Variants in TBL1X observed in about 807,000 individuals in gnomAD.
TBL1X encodes transducin beta like 1 X-linked.
A neutral mutation model predicts 50.7 loss-of-function variants in TBL1X; 10 were observed. The observed-to-expected ratio is 0.20, with a 90% CI of 0.12 to 0.33. TBL1X has a LOEUF of 0.33. TBL1X is among the 10% of genes least tolerant of loss of function. TBL1X has a pLI of 1.00. For synonymous variants in TBL1X, 190 were observed against 214.7 expected (o/e 0.88, Z 1.01); for missense variants, 340 against 504.4 (o/e 0.67, Z 3.12).
chrX:9,706,963 C>T (rs750794713), intron 13 of TBL1X, among the ~76,000 whole-genome samples: 1 of 111,963 alleles, frequency 8.9e-6, no homozygotes, highest in South Asian at 3.8e-4. Flanking sequence ...ACCCCCTGAG[C>T]TCCTACTGCC....
chrX:9,619,782 C>A (rs898403301), intron 2 of TBL1X, among the ~76,000 whole-genome samples: 2 of 111,502 alleles, frequency 1.8e-5, no homozygotes, highest in Non-Finnish European at 3.8e-5. Context: ...GTGCCGCCCT[C>A]TAGCTGCGAG....
intron 1 of TBL1X, among the ~76,000 whole-genome samples, chrX:9,482,643 T>C (rs2081889502): frequency 9.0e-6 from 1 of 111,337 alleles, no homozygotes; most frequent in South Asian, 3.8e-4. Flanking sequence ...CCTATTCCCC[T>C]GGGACCAACC....
intron 2 of TBL1X, among the ~76,000 whole-genome samples, chrX:9,544,599 G>T (rs1369926908): frequency 9.0e-6 from 1 of 110,593 alleles, no homozygotes; most frequent in African/African-American, 3.3e-5. Context: ...TTTCACTCTT[G>T]TTGCCCAGGC....
chrX:9,648,956 G>C (rs1461881956), intron 3 of TBL1X, among the ~76,000 whole-genome samples: 2 of 111,919 alleles, frequency 1.8e-5, no homozygotes, highest in East Asian at 5.6e-4. Context: ...TTCTTGCAGA[G>C]GAATACTGGC....
At chrX:9,496,163 TGAG>T (rs1184572678) in intron 1 of TBL1X, among the ~76,000 whole-genome samples, 4 of 111,659 alleles carry the variant, frequency 3.6e-5, no homozygotes, top group Admixed American at 1.9e-4. Flanking sequence ...AAGCGTGCGG[TGAG>T]GAGGAGTCAG....
At chrX:9,505,145 G>A (rs752568236) in intron 2 of TBL1X, among the ~76,000 whole-genome samples, 9 of 111,793 alleles carry the variant, frequency 8.1e-5, no homozygotes, top group Non-Finnish European at 1.7e-4. Flanking sequence ...AAGAGATTGG[G>A]GGCCAATATT....
intron 12 of TBL1X, among the ~76,000 whole-genome samples, chrX:9,704,330 T>G (rs900886341): frequency 1.8e-5 from 2 of 111,959 alleles, no homozygotes; most frequent in Non-Finnish European, 3.8e-5. Context: ...CTCCTCTTTG[T>G]CCAAAATTAA....
intron 2 of TBL1X, among the ~76,000 whole-genome samples, chrX:9,591,503 T>C (rs1400669629): frequency 8.9e-6 from 1 of 112,637 alleles, no homozygotes; most frequent in Non-Finnish European, 1.9e-5. Context: ...CTGGAGTATA[T>C]TTGTTCATCC....
chrX:9,715,078 G>C (rs1366795143), intron 17 of TBL1X, 75 bp downstream of exon 17: 1 of 1,004,953 alleles, frequency 1.0e-6, no homozygotes, highest in Non-Finnish European at 1.4e-6. Flanking sequence ...TCCAGGGCGT[G>C]TGCAGCATTC....
intron 2 of TBL1X, among the ~76,000 whole-genome samples, chrX:9,575,171 A>G (rs928558928): frequency 2.2e-4 from 25 of 111,279 alleles, no homozygotes; most frequent in African/African-American, 7.2e-4. Context: ...TGAGAGGGGA[A>G]GCGCCATACT....
intron 3 of TBL1X, 95 bp downstream of exon 3, chrX:9,640,455 T>C (rs2082769715): frequency 8.9e-6 from 1 of 111,941 alleles, no homozygotes; most frequent in Non-Finnish European, 1.9e-5. Context: ...ACCCCTTCTG[T>C]TTTAAATGAT....
At chrX:9,579,220 G>A (rs991995980) in intron 2 of TBL1X, among the ~76,000 whole-genome samples, 1 of 112,172 alleles carries the variant, frequency 8.9e-6, no homozygotes, top group African/African-American at 3.2e-5. Context: ...ACAGTGGGAT[G>A]CAGGAAACTG....
At chrX:9,628,755 C>T (rs977109110) in intron 2 of TBL1X, among the ~76,000 whole-genome samples, 3 of 111,481 alleles carry the variant, frequency 2.7e-5, no homozygotes, top group African/African-American at 6.5e-5. Context: ...TCCGTGTTGG[C>T]CAGGCTGGTC....
intron 12 of TBL1X, among the ~76,000 whole-genome samples, chrX:9,697,675 G>A (rs1372186201): frequency 8.9e-6 from 1 of 111,865 alleles, no homozygotes; most frequent in African/African-American, 3.3e-5. Context: ...GGAGGTTGAG[G>A]TAGGAGGATG....
rs757002852 is a variant in TBL1X, at chrX:9,503,396, C to A, written c.-131+1547C>A. On this transcript the variant is annotated intron_variant, in intron 2 of 17. Coordinates refer to ENST00000645353, the MANE Select transcript of TBL1X (RefSeq NM_005647.4). ...ATTCTTACAGCCTCTCAGCTGGAAT[C>A]CGCTTAAGCTTACCAAACTCCTCGG... 2.6e-5 allele frequency among the ~76,000 whole-genome samples: 3 copies of A among 113,306 alleles called. No individual in the cohort carries two copies. In the Admixed American group the frequency reaches 2.8e-4, roughly 10 times the overall value.
intron 2 of TBL1X, among the ~76,000 whole-genome samples, chrX:9,580,047 C>T (rs1180716689): frequency 3.6e-5 from 4 of 112,286 alleles, no homozygotes; most frequent in Admixed American, 9.4e-5. Context: ...TCTGAGCCAA[C>T]TCTGAGTGGC....
chrX:9,696,220 G>T (rs1434888684), intron 11 of TBL1X, among the ~76,000 whole-genome samples: 1 of 112,545 alleles, frequency 8.9e-6, no homozygotes, highest in Non-Finnish European at 1.9e-5. Flanking sequence ...TGCAGTGTTA[G>T]ATTTGTTTTT....
chrX:9,635,793 G>C (rs1206705961), intron 2 of TBL1X, among the ~76,000 whole-genome samples: 3 of 111,955 alleles, frequency 2.7e-5, no homozygotes, highest in East Asian at 5.7e-4. Flanking sequence ...TTCATTCCTG[G>C]GTAGGAGGAG....
chrX:9,613,091 A>G (rs1037175208), intron 2 of TBL1X, among the ~76,000 whole-genome samples: 1 of 111,657 alleles, frequency 9.0e-6, no homozygotes, highest in South Asian at 3.7e-4. Flanking sequence ...TTTTAAGCTG[A>G]AAGTTACACT....
Sources: gnomAD v4.1 joint callset for allele counts (sites outside exome capture counted in the v4.1 genomes callset) on GRCh38, gnomAD v4.1.1 for gene constraint, MANE v1.5 for transcripts, NCBI Gene and HGNC (gene_info 2026-07-23, HGNC 2026-07-21) for gene names.